The following HEATR5B variants were observed in gnomAD, a reference collection of about 807,000 sequenced individuals.
HEATR5B encodes the protein HEAT repeat-containing protein 5B.
Under a neutral mutation model 224.1 loss-of-function variants are expected in HEATR5B, and 156 were observed. The observed-to-expected ratio is 0.70, with a 90% CI of 0.61 to 0.80. The LOEUF is 0.80. HEATR5B is among the 30% of genes least tolerant of loss of function. The probability of loss-of-function intolerance (pLI) is 0.00; values close to 1 mark genes in which losing one functional copy is unlikely to be tolerated. For synonymous variants in HEATR5B, 1,027 were observed against 893.0 expected, an observed-to-expected ratio of 1.15 and a Z score of -2.68; for missense variants, 2,323 against 2,535.5, an observed-to-expected ratio of 0.92 and a Z score of 1.80.
At chr2:37,023,892 T>A (rs956756829) in intron 24 of HEATR5B, among the ~76,000 whole-genome samples, 1 of 152,084 alleles carries the variant, frequency 6.6e-6, no homozygotes. Context: ...TCCTCACCTA[T>A]AGGAAGCAAA....
chr2:36,995,459 C>T (rs1666634912), intron 33 of HEATR5B, among the ~76,000 whole-genome samples: 2 of 152,120 alleles, frequency 1.3e-5, no homozygotes, highest in South Asian at 2.1e-4. Context: ...TTAAAATCTA[C>T]CTTAAGAAAC....
Position 37,056,545 on chromosome 2 carries a change from G to T in HEATR5B, c.2294C>A (p.Pro765His). ...GGGACCAGGTACTGCTTCTCCAGCA[G>T]GTATGCGTAAATAAATAGAGGAAGG... ...HDPSSIYLRI[P>H]AGEAVPGPLP... The change falls in exon 16 of 36, where the codon CCT becomes CAT. Residue 765 changes from proline (P) to histidine (H), a missense_variant. Transcript: ENST00000233099. 6.2e-7 allele frequency: 1 copy of T among 1,613,254 alleles called. No homozygotes were observed. Among genetic ancestry groups the T allele is most frequent in the South Asian group, 1.1e-5 (1 of 91,026 alleles).
rs1672734529 is a variant in HEATR5B at position 37,083,296 on chromosome 2, G to T, written c.119C>A (p.Ala40Asp). ...AAAAGAGCAATACCATACCTTGTTGGCAGCAACCAAGACTTTATCAAGAAA... is the reference window on the plus strand; with the variant it reads ...AAAAGAGCAATACCATACCTTGTTGTCAGCAACCAAGACTTTATCAAGAAA... ...LRFLDKVLVA[A>D]NKTDVKEKQK... Residue 40 changes from alanine (A) to aspartate (D), a missense_variant, in exon 2 of 36, where the codon GCC becomes GAC. Ala to Asp is a moderately radical substitution (Grantham distance 126). Transcript: ENST00000233099. 6.2e-7 allele frequency: 1 copy of T among 1,613,872 alleles called. No individual in the cohort carries two copies. Among genetic ancestry groups the T allele is most frequent in the South Asian group, 1.1e-5 (1 of 91,084 alleles).
At chr2:37,013,006 C>A (rs969511080) in intron 27 of HEATR5B, among the ~76,000 whole-genome samples, 1 of 152,176 alleles carries the variant, frequency 6.6e-6, no homozygotes, top group Non-Finnish European at 1.5e-5. Flanking sequence ...ATATATCTCA[C>A]CCCCGTATTC....
rs1670559302 is a variant in HEATR5B at position 37,051,668 on chromosome 2, A to T, written c.2506-1825T>A. Among the ~76,000 whole-genome samples the T allele has an allele frequency of 2.0e-5, 3 of 152,140 alleles. No homozygotes were observed. In the South Asian group the frequency reaches 6.2e-4, roughly 32 times the overall value. On this transcript the variant is annotated intron_variant, in intron 17 of 35. Coordinates refer to ENST00000233099, the MANE Select transcript of HEATR5B (RefSeq NM_019024.3). ...CTTTTCTAAAAAACTCACAGGTCCA[A>T]ATTAGTTGATGGTCTCCTCAGAGTA...
intron 33 of HEATR5B, among the ~76,000 whole-genome samples, chr2:36,997,207 T>C (rs1304314348): frequency 6.6e-6 from 1 of 152,106 alleles, no homozygotes; most frequent in African/African-American, 2.4e-5. Context: ...TGTTTTGAGA[T>C]AGGGTCTCAC....
intron 24 of HEATR5B, among the ~76,000 whole-genome samples, chr2:37,024,881 C>G (rs1478120483): frequency 6.6e-6 from 1 of 152,160 alleles, no homozygotes; most frequent in African/African-American, 2.4e-5. Flanking sequence ...CTATGTCTAC[C>G]CTTCCTCAAA....
At position 37,061,981 on chromosome 2, in the gene HEATR5B, T is replaced by C. The variant is rs764297619; in HGVS notation, c.1654A>G (p.Thr552Ala). The change falls in exon 11 of 36, where the codon ACC (threonine) becomes GCC (alanine). Residue 552 changes from threonine (T) to alanine (A), a missense_variant. This residue lies in a region of HEATR5B where 502 missense variants were observed against 517.8 expected (regional missense o/e 0.97). Transcript: ENST00000233099. ...AQNSRLSLQR[T>A]QAGWLLLGAL... ...CCAAGTAAAAGCCAGCCAGCTTGGG[T>C]GCGCTGTAAAGATAGCCTGCTATTT... is the stretch of plus-strand genomic sequence containing the variant. 6.2e-7 allele frequency: 1 copy of C among 1,613,910 alleles called. No homozygotes were observed. Among genetic ancestry groups the C allele is most frequent in the Non-Finnish European group, 8.5e-7 (1 of 1,179,830 alleles).
chr2:37,011,452 C>T lies in HEATR5B; in HGVS notation c.4284+2389G>A, dbSNP rs142333074. Among the ~76,000 whole-genome samples, 377 of 152,148 alleles carry T rather than the reference C, an allele frequency of 2.5e-3. 5 individuals carry two copies. The highest frequency in any genetic ancestry group is 3.9e-3 in the Admixed American group (60 of 15,282). On this transcript the variant is annotated intron_variant, in intron 27 of 35. Coordinates refer to ENST00000233099, the MANE Select transcript of HEATR5B (RefSeq NM_019024.3). ...TACGGTCTATGTATGCATTTTTCCT[C>T]GACTTATAATTTTATTTTAATAATT...
intron 3 of HEATR5B, among the ~76,000 whole-genome samples, chr2:37,077,790 C>T (rs1672323941): frequency 6.6e-6 from 1 of 152,154 alleles, no homozygotes; most frequent in Non-Finnish European, 1.5e-5. Context: ...AATGTAAACT[C>T]CAGAAACGGA....
chr2:37,070,548 A>G (rs1271471280), intron 6 of HEATR5B, among the ~76,000 whole-genome samples, 161 bp from the exon 7 acceptor site: 1 of 152,200 alleles, frequency 6.6e-6, no homozygotes, highest in Non-Finnish European at 1.5e-5. Context: ...TGTAAGCCTG[A>G]ATTCAATTCC....
At chr2:37,082,513 A>G (rs1395606254) in intron 2 of HEATR5B, among the ~76,000 whole-genome samples, 1 of 152,202 alleles carries the variant, frequency 6.6e-6, no homozygotes, top group Non-Finnish European at 1.5e-5. Flanking sequence ...GATGGCCATA[A>G]CGAAACCCGA....
chr2:37,025,488 C>A (rs1161738398), intron 24 of HEATR5B, among the ~76,000 whole-genome samples: 2 of 150,060 alleles, frequency 1.3e-5, no homozygotes, highest in Non-Finnish European at 3.0e-5. Flanking sequence ...ATGCGGCATC[C>A]TCGATAGGAT....
rs184326684 is a variant in HEATR5B, at chr2:37,030,923, G to A, written c.3361+1706C>T. ...AGAGGTTTCCCACCATTAATTCCCTGATAAAAGTGGCTCGCTGTACCTAAA... is the reference window on the plus strand; with the variant it reads ...AGAGGTTTCCCACCATTAATTCCCTAATAAAAGTGGCTCGCTGTACCTAAA... On this transcript the variant is annotated intron_variant, in intron 22 of 35. Coordinates refer to ENST00000233099, the MANE Select transcript of HEATR5B (RefSeq NM_019024.3). Among the ~76,000 whole-genome samples, 3 of 152,314 alleles carry A rather than the reference G, an allele frequency of 2.0e-5. No individual in the cohort carries two copies. The East Asian group carries it at 5.8e-4, about 29-fold the overall frequency.
In HEATR5B at chr2:37,051,638, C is replaced by T. The variant is rs1670557793; in HGVS notation, c.2506-1795G>A. Among the ~76,000 whole-genome samples the T allele has an allele frequency of 2.0e-5, 3 of 152,198 alleles. No individual in the cohort carries two copies. In the South Asian group the frequency reaches 6.2e-4, roughly 32 times the overall value. ...TCACTGAAGGAGACCACGACCACCC[C>T]ACTCCTTTTCTAAAAAACTCACAGG... On this transcript the variant is annotated intron_variant, in intron 17 of 35. Coordinates refer to ENST00000233099, the MANE Select transcript of HEATR5B (RefSeq NM_019024.3).
chr2:37,079,415 T>A, intron 2 of HEATR5B, 84 bp from the exon 3 acceptor site: 1 of 638,922 alleles, frequency 1.6e-6, no homozygotes, highest in Non-Finnish European at 2.7e-6. Context: ...ACTTAACACT[T>A]AAGGCACTCT....
chr2:37,058,340 T>G (rs1366382732), intron 14 of HEATR5B, 111 bp downstream of exon 14: 1 of 642,168 alleles, frequency 1.6e-6, no homozygotes, highest in East Asian at 2.7e-5. Context: ...AATAAAATGG[T>G]GGCCTTCCTT....
chr2:37,071,158 CATCAT>C, intron 6 of HEATR5B, among the ~76,000 whole-genome samples: 1 of 152,076 alleles, frequency 6.6e-6, no homozygotes, highest in South Asian at 2.1e-4. Flanking sequence ...TCATCATCAT[CATCAT>C]CTACTGAAAT....
chr2:37,009,780 C>CTT (rs1333708477), intron 27 of HEATR5B, among the ~76,000 whole-genome samples: 35 of 132,998 alleles, frequency 2.6e-4, no homozygotes, highest in African/African-American at 5.4e-4. Context: ...CCCGCCTCCA[C>CTT]TTTTTTTTTT....
Sources: gnomAD v4.1 joint callset for allele counts (sites outside exome capture counted in the v4.1 genomes callset) on GRCh38, gnomAD v4.1.1 for gene constraint, gnomAD v4.1.1 regional missense constraint, MANE v1.5 for transcripts, NCBI Gene and HGNC (gene_info 2026-07-23, HGNC 2026-07-21) for gene names.